The following CLSTN2 variants were observed in gnomAD, a reference collection of about 807,000 sequenced individuals.
The protein encoded by CLSTN2 is calsyntenin 2, also known as calsyntenin-2.
In CLSTN2, 48 loss-of-function variants were observed where a neutral mutation model predicts 101.2. That is an observed-to-expected ratio of 0.47 (90% CI 0.38 to 0.60). The LOEUF (loss-of-function observed/expected upper bound fraction) is 0.60, where lower values mean the gene tolerates loss of function less well. CLSTN2 is among the 20% of genes least tolerant of loss of function. CLSTN2 has a pLI of 0.00. For synonymous variants in CLSTN2, 481 were observed against 463.6 expected (o/e 1.04, Z -0.48); for missense variants, 1,160 against 1,238.2 (o/e 0.94, Z 0.95).
intron 1 of CLSTN2, among the ~76,000 whole-genome samples, chr3:140,025,545 C>T (rs2007400535): frequency 6.6e-6 from 1 of 152,170 alleles, no homozygotes; most frequent in African/African-American, 2.4e-5. Flanking sequence ...TTTCAAATCT[C>T]CCCCTGCCTC....
At chr3:140,212,384 C>A (rs1160605086) in intron 2 of CLSTN2, among the ~76,000 whole-genome samples, 1 of 152,124 alleles carries the variant, frequency 6.6e-6, no homozygotes. Context: ...TTTTCATTTG[C>A]CACTGGTAAT....
intron 1 of CLSTN2, among the ~76,000 whole-genome samples, chr3:140,167,622 G>A (rs2010154068): frequency 6.6e-6 from 1 of 152,166 alleles, no homozygotes; most frequent in African/African-American, 2.4e-5. Context: ...ACGCACACGT[G>A]CAGAAGTGTA....
At position 140,563,096 on chromosome 3, in the gene CLSTN2, A is replaced by G; in HGVS notation, c.2375A>G (p.Glu792Gly). ...EFNLEVSILH[E>G]DQVSDKEHVN... ...TCTTCCCAGGTCAGCATCCTTCATG[A>G]AGACCAAGTCTCAGATAAGGAGCAT... The change falls in exon 15 of 17, where the codon GAA (glutamate) becomes GGA (glycine). Residue 792 changes from glutamate (E) to glycine (G), a missense_variant. Transcript: ENST00000458420. 6.2e-7 allele frequency: 1 copy of G among 1,614,060 alleles called. No individual in the cohort carries two copies. The highest frequency in any genetic ancestry group is 8.5e-7 in the Non-Finnish European group (1 of 1,179,970).
chr3:139,981,799 G>C (rs1935927777), intron 1 of CLSTN2, among the ~76,000 whole-genome samples: 2 of 152,226 alleles, frequency 1.3e-5, no homozygotes, highest in Non-Finnish European at 2.9e-5. Context: ...CCAATGCCCT[G>C]AGAGCCTCTA....
chr3:139,939,149 T>C (rs1345610879), intron 1 of CLSTN2, among the ~76,000 whole-genome samples: 1 of 151,874 alleles, frequency 6.6e-6, no homozygotes, highest in African/African-American at 2.4e-5. Context: ...CATGTGGTAA[T>C]AGGTAAGGAG....
At chr3:140,555,093 C>T (rs760974763) in intron 10 of CLSTN2, among the ~76,000 whole-genome samples, 93 of 152,332 alleles carry the variant, frequency 6.1e-4, no homozygotes, top group Non-Finnish European at 1.1e-3. Context: ...CAGCTCTGAT[C>T]CATACCTCCC....
At chr3:139,989,787 C>T (rs769845708) in intron 1 of CLSTN2, among the ~76,000 whole-genome samples, 22 of 152,194 alleles carry the variant, frequency 1.4e-4, no homozygotes, top group African/African-American at 4.1e-4. Flanking sequence ...CTTTTCCCAC[C>T]ACCCGGCCAG....
At chr3:140,557,777 T>G (rs1439631481) in intron 11 of CLSTN2, among the ~76,000 whole-genome samples, 3 of 152,184 alleles carry the variant, frequency 2.0e-5, no homozygotes, top group African/African-American at 7.2e-5. Flanking sequence ...TATCTGGCTC[T>G]GGGGTCCCCC....
At chr3:140,273,227 G>C (rs2086761079) in intron 2 of CLSTN2, among the ~76,000 whole-genome samples, 1 of 152,004 alleles carries the variant, frequency 6.6e-6, no homozygotes, top group Non-Finnish European at 1.5e-5. Context: ...GGGGGGCAAG[G>C]GCAGGGAGAG....
At chr3:140,478,528 A>G (rs1181963063) in intron 8 of CLSTN2, among the ~76,000 whole-genome samples, 1 of 152,200 alleles carries the variant, frequency 6.6e-6, no homozygotes, top group East Asian at 1.9e-4. Flanking sequence ...AAATTTCCAT[A>G]AAAGGTGATT....
At position 140,556,552 on chromosome 3, in the gene CLSTN2, G is replaced by A. The variant is rs1373555300; in HGVS notation, c.1714G>A (p.Gly572Ser). 6.2e-7 allele frequency: 1 copy of A among 1,613,982 alleles called. No individual in the cohort carries two copies. Among genetic ancestry groups the A allele is most frequent in the Non-Finnish European group, 8.5e-7 (1 of 1,179,988 alleles). Residue 572 changes from glycine (G) to serine (S), a missense_variant, in exon 11 of 17, where the codon GGT (glycine) becomes AGT (serine). By Grantham distance (56) the Gly-to-Ser change is moderately conservative (BLOSUM62 0). Transcript: ENST00000458420. ...NPSQSILVME[G>S]DDIGNINRAL... ...CTCGCAGTCCATCCTGGTGATGGAA[G>A]GTGACGACATTGGGAACATTAACCG...
chr3:140,084,346 G>T (rs1331593386), intron 1 of CLSTN2, among the ~76,000 whole-genome samples: 2 of 152,144 alleles, frequency 1.3e-5, no homozygotes. Flanking sequence ...ACTGAATGAA[G>T]TACTGGGCAG....
At chr3:140,520,131 C>T (rs1417061892) in intron 8 of CLSTN2, among the ~76,000 whole-genome samples, 1 of 152,178 alleles carries the variant, frequency 6.6e-6, no homozygotes, top group Non-Finnish European at 1.5e-5. Context: ...ATATTGTCCC[C>T]CAGTATCTTC....
Position 140,566,141 on chromosome 3 carries a change from C to T in CLSTN2, c.2756C>T (p.Ser919Phe), listed in dbSNP as rs774081062. The T allele has an allele frequency of 1.9e-6, 3 of 1,612,508 alleles. No homozygotes were observed. The South Asian group carries it at 3.3e-5, about 18-fold the overall frequency. The stretch of plus-strand genomic sequence containing the variant: ...GAAGAAATGAGCTCCAGCAGTGGCT[C>T]TGACGACAGCGAAGAGGAGGAGGAG... The part of the protein sequence containing the change: ...AEEEMSSSSG[S>F]DDSEEEEEEE... The change falls in exon 17 of 17, where the codon TCT becomes TTT. Residue 919 changes from serine to phenylalanine, a missense_variant. Transcript: ENST00000458420.
chr3:140,569,674 TTTG>T lies in CLSTN2; in HGVS notation c.*3430_*3432del, dbSNP rs1204418902. 1 of 152,138 alleles carries T rather than the reference TTTG, an allele frequency of 6.6e-6. No individual in the cohort carries two copies. The highest frequency in any genetic ancestry group is 2.1e-4 in the South Asian group (1 of 4,828). The allele number at this position is 152,138 out of a possible 1,614,324, so 9.4% of individuals were successfully genotyped here. The stretch of plus-strand genomic sequence containing the variant: ...AAATCTCTTTTCATTGCCGCTTTCT[TTTG>T]TTGTTGTTTGTTTTTTGAGCCAGAG... On this transcript the variant is annotated 3_prime_UTR_variant, in exon 17 of 17. Coordinates refer to ENST00000458420, the MANE Select transcript of CLSTN2 (RefSeq NM_022131.3).
chr3:140,087,541 C>T (rs2008701102), intron 1 of CLSTN2, among the ~76,000 whole-genome samples: 1 of 152,196 alleles, frequency 6.6e-6, no homozygotes, highest in South Asian at 2.1e-4. Flanking sequence ...ACTGATCCTT[C>T]CCATCATCAA....
intron 2 of CLSTN2, among the ~76,000 whole-genome samples, chr3:140,259,524 T>C (rs544118081): frequency 1.1e-4 from 16 of 152,112 alleles, no homozygotes; most frequent in Non-Finnish European, 2.1e-4. Flanking sequence ...AGTATGCAAT[T>C]TGATAAGTTT....
Position 140,570,430 on chromosome 3 carries a change from G to A in CLSTN2, c.*4177G>A, listed in dbSNP as rs1362058625. 1.3e-5 allele frequency: 2 copies of A among 152,166 alleles called. No homozygotes were observed. The highest frequency in any genetic ancestry group is 2.9e-5 in the Non-Finnish European group (2 of 68,026). The allele number at this position is 152,166 out of a possible 1,614,324, so 9.4% of individuals were successfully genotyped here. A position where few individuals can be genotyped will look rare whatever the true frequency, so the allele number is the denominator to read the frequency against. On this transcript the variant is annotated 3_prime_UTR_variant, in exon 17 of 17. Coordinates refer to ENST00000458420, the MANE Select transcript of CLSTN2 (RefSeq NM_022131.3). The stretch of plus-strand genomic sequence containing the variant: ...GATGATTTGAAGAACACAGGAAGTT[G>A]TGCATAGGCTATATGCAAATACTAT...
intron 2 of CLSTN2, among the ~76,000 whole-genome samples, chr3:140,276,986 A>T (rs2086801061): frequency 6.6e-6 from 1 of 152,198 alleles, no homozygotes; most frequent in African/African-American, 2.4e-5. Context: ...ACAGTTGCAG[A>T]CGTGGGCTGA....
Sources: gnomAD v4.1 joint callset for allele counts (sites outside exome capture counted in the v4.1 genomes callset) on GRCh38, gnomAD v4.1.1 for gene constraint, MANE v1.5 for transcripts, NCBI Gene and HGNC (gene_info 2026-07-23, HGNC 2026-07-21) for gene names.